SEC61A1: variants seen among roughly 807,000 people sequenced by gnomAD.
The protein encoded by SEC61A1 is protein transport protein Sec61 subunit alpha isoform 1.
Under a neutral mutation model 55.2 loss-of-function variants are expected in SEC61A1, and 15 were observed. That is an observed-to-expected ratio of 0.27 (90% confidence interval 0.18 to 0.42). SEC61A1 has a LOEUF of 0.42. Ranked by LOEUF, SEC61A1 falls within the 10% of genes least tolerant of loss-of-function variation. SEC61A1 has a pLI of 1.00. For synonymous variants in SEC61A1, 247 were observed against 234.0 expected, an observed-to-expected ratio of 1.06 and a Z score of -0.51; for missense variants, 284 against 602.6, an observed-to-expected ratio of 0.47 and a Z score of 5.53.
At chr3:128,061,795 A>AT (rs1941856156) in intron 7 of SEC61A1, among the ~76,000 whole-genome samples, 1 of 152,146 alleles carries the variant, frequency 6.6e-6, no homozygotes, top group South Asian at 2.1e-4. Flanking sequence ...GAGTTCAGGT[A>AT]TTTGTCAAGA....
chr3:128,055,409 G>T, intron 2 of SEC61A1, 107 bp from the exon 3 acceptor site: 1 of 874,150 alleles, frequency 1.1e-6, no homozygotes, highest in South Asian at 1.4e-5. Context: ...AGAGAAAAGA[G>T]TCTGGTTGGA....
rs1481440162 is a variant in SEC61A1, at chr3:128,070,554, C to T, written c.*892C>T. On this transcript the variant is annotated 3_prime_UTR_variant, in exon 12 of 12. Coordinates refer to ENST00000243253, the MANE Select transcript of SEC61A1 (RefSeq NM_013336.4). ...CATGGACAGAAACTGACTTAGTGCT[C>T]ACAAGCCCCTACACCTTCTGGGCTG... 1.3e-5 allele frequency: 2 copies of T among 152,274 alleles called. No individual in the cohort carries two copies. Among genetic ancestry groups the T allele is most frequent in the Non-Finnish European group, 2.9e-5 (2 of 68,084 alleles). 9.4% of individuals were successfully genotyped at this position (152,274 alleles called of 1,614,324 possible).
In SEC61A1 at chr3:128,060,633, C is replaced by T; in HGVS notation, c.588C>T (p.Phe196=). 1 of 1,614,230 alleles carries T rather than the reference C, an allele frequency of 6.2e-7. No homozygotes were observed. Among genetic ancestry groups the T allele is most frequent in the Non-Finnish European group, 8.5e-7 (1 of 1,180,052 alleles). ...NICETIVWKA[F]SPTTVNTGRG... ...GTGAAACCATCGTATGGAAGGCATT[C>T]AGCCCCACTACTGTCAACACTGGCC... The change falls in exon 7 of 12, where the codon TTC becomes TTT. Residue 196 remains phenylalanine (F), a synonymous_variant. Transcript: ENST00000243253.
At chr3:128,064,638 A>C (rs543748463) in intron 7 of SEC61A1, 2 of 498,750 alleles carry the variant, frequency 4.0e-6, no homozygotes, top group East Asian at 7.2e-5. Context: ...GCCGAGAGAG[A>C]GGGACCCTGT....
intron 2 of SEC61A1, among the ~76,000 whole-genome samples, chr3:128,055,000 TAC>T (rs1941751668): frequency 6.6e-6 from 1 of 152,232 alleles, no homozygotes; most frequent in Non-Finnish European, 1.5e-5. Context: ...TATGGTTTAT[TAC>T]ACTGTTTTAC....
chr3:128,062,804 G>C (rs772113888), intron 7 of SEC61A1, among the ~76,000 whole-genome samples: 1 of 152,172 alleles, frequency 6.6e-6, no homozygotes, highest in Admixed American at 6.5e-5. Flanking sequence ...AAAGTTGGAA[G>C]ATTTGTTCTA....
Position 128,067,656 on chromosome 3 carries a change from C to A in SEC61A1, c.1167+44C>A. 1 of 1,467,028 alleles carries A rather than the reference C, an allele frequency of 6.8e-7. No homozygotes were observed. The highest frequency in any genetic ancestry group is 9.4e-7 in the Non-Finnish European group (1 of 1,058,458). 90.9% of individuals were successfully genotyped at this position (1,467,028 alleles called of 1,614,324 possible). A position where few individuals can be genotyped will look rare whatever the true frequency, so the allele number is the denominator to read the frequency against. On this transcript the variant is annotated intron_variant, in intron 10 of 11. Transcript: ENST00000243253. This position sits in a 1 kb window ranked among gnomAD's most constrained non-coding sequence, Gnocchi z 4.1. The stretch of plus-strand genomic sequence containing the variant: ...TTCTGGAAGGGTGATGAAAGTGTGA[C>A]TGGTATAAGGGGTGTGGACTTGTCA...
At chr3:128,052,793 C>G (rs2107639705) in intron 1 of SEC61A1, 42 bp from the exon 2 acceptor site, 4 of 1,583,458 alleles carry the variant, frequency 2.5e-6, no homozygotes, top group Non-Finnish European at 3.5e-6. Flanking sequence ...AAGGTTACTT[C>G]TCTGTGTCCC....
Position 128,069,527 on chromosome 3 carries a change from G to T in SEC61A1, c.1296G>T (p.Ser432=), listed in dbSNP as rs750919679. ...AFGGLCIGAL[S]VLADFLGAIG... ...GTGGGCTGTGCATCGGGGCCCTCTC[G>T]GTCCTGGCTGACTTCCTAGGCGCCA... The change falls in exon 12 of 12, where the codon TCG becomes TCT. Residue 432 remains serine (S), a synonymous_variant. Coordinates refer to ENST00000243253, the MANE Select transcript of SEC61A1 (RefSeq NM_013336.4). 34 of 1,613,770 alleles carry T rather than the reference G, an allele frequency of 2.1e-5. No homozygotes were observed. The highest frequency in any genetic ancestry group is 2.7e-5 in the Non-Finnish European group (32 of 1,180,050).
chr3:128,052,524 C>T lies in SEC61A1; in HGVS notation c.-29C>T. On this transcript the variant is annotated 5_prime_UTR_variant, in exon 1 of 12. Coordinates refer to ENST00000243253, the MANE Select transcript of SEC61A1 (RefSeq NM_013336.4). ...CACGCGGAGCAGAGCTGAGCTGAAG[C>T]GGGACCCGGAGCCCGAGCAGCCGCC... 1.3e-6 allele frequency: 2 copies of T among 1,593,756 alleles called. No individual in the cohort carries two copies. Among genetic ancestry groups the T allele is most frequent in the South Asian group, 2.3e-5 (2 of 88,382 alleles).
chr3:128,063,422 C>G (rs1045658829), intron 7 of SEC61A1, among the ~76,000 whole-genome samples: 1 of 152,234 alleles, frequency 6.6e-6, no homozygotes, highest in Non-Finnish European at 1.5e-5. Context: ...ACTGCAACCT[C>G]CGCCTCCCGG....
At chr3:128,062,173 G>A (rs909596883) in intron 7 of SEC61A1, among the ~76,000 whole-genome samples, 1 of 152,238 alleles carries the variant, frequency 6.6e-6, no homozygotes, top group African/African-American at 2.4e-5. Flanking sequence ...GTGTCTACAT[G>A]TCAGTTGCTC....
Position 128,066,993 on chromosome 3 carries a change from C to T in SEC61A1, c.817C>T (p.Arg273Cys). 6.2e-7 allele frequency: 1 copy of T among 1,614,200 alleles called. No homozygotes were observed. The highest frequency in any genetic ancestry group is 1.1e-5 in the South Asian group (1 of 91,086). ...VDLPIKSARY[R>C]GQYNTYPIKL... The stretch of plus-strand genomic sequence containing the variant: ...CCTGCCAATCAAGTCGGCCCGCTAC[C>T]GTGGCCAGTACAACACCTATCCCAT... Residue 273 changes from arginine (R) to cysteine (C), a missense_variant, in exon 9 of 12, where the codon CGT becomes TGT. Coordinates refer to ENST00000243253, the MANE Select transcript of SEC61A1 (RefSeq NM_013336.4).
rs1941700371 is a variant in SEC61A1 at position 128,052,493 on chromosome 3, T to A, written c.-60T>A. 2.5e-5 allele frequency: 39 copies of A among 1,568,288 alleles called. No individual in the cohort carries two copies. Among genetic ancestry groups the A allele is most frequent in the Non-Finnish European group, 3.2e-5 (37 of 1,158,318 alleles). ...GGAACGCGCTGGGCCGCGGGCAGCG[T>A]CGCCTCACGCGGAGCAGAGCTGAGC... On this transcript the variant is annotated 5_prime_UTR_variant, in exon 1 of 12. Transcript: ENST00000243253.
At chr3:128,068,838 A>G (rs1367956494) in intron 11 of SEC61A1, 1 of 152,508 alleles carries the variant, frequency 6.6e-6, no homozygotes, top group African/African-American at 2.4e-5. Flanking sequence ...CAGACAACAG[A>G]CAAATGAGCA....
At position 128,070,590 on chromosome 3, in the gene SEC61A1, A is replaced by C. The variant is rs567510012; in HGVS notation, c.*928A>C. The C allele has an allele frequency of 6.6e-6, 1 of 152,276 alleles. No homozygotes were observed. Among genetic ancestry groups the C allele is most frequent in the East Asian group, 1.9e-4 (1 of 5,204 alleles). The allele number at this position is 152,276 out of a possible 1,614,324, so 9.4% of individuals were successfully genotyped here. A position where few individuals can be genotyped will look rare whatever the true frequency, so the allele number is the denominator to read the frequency against. On this transcript the variant is annotated 3_prime_UTR_variant, in exon 12 of 12. Coordinates refer to ENST00000243253, the MANE Select transcript of SEC61A1 (RefSeq NM_013336.4). ...ACACCTTCTGGGCTGAAGATCACCCAGCTGTGTTCAGAATTTTCTTACTGT... is the reference window on the plus strand; with the variant it reads ...ACACCTTCTGGGCTGAAGATCACCCCGCTGTGTTCAGAATTTTCTTACTGT...
upstream of SEC61A1, chr3:128,051,805 C>A: frequency 1.3e-6 from 2 of 1,534,394 alleles, no homozygotes; most frequent in East Asian, 2.4e-5. Flanking sequence ...CCTTCTCCGG[C>A]CAAGTCTCTC....
Position 128,054,664 on chromosome 3 carries a change from C to G in SEC61A1, c.76-852C>G, listed in dbSNP as rs62271712. ...AGTTTTGTCACTTAATACTGTCAGT[C>G]TCTCACAAGGTATTTCAACCTCAGA... On this transcript the variant is annotated intron_variant, in intron 2 of 11. Transcript: ENST00000243253. 3.7e-3 allele frequency among the ~76,000 whole-genome samples: 559 copies of G among 152,344 alleles called. 2 individuals carry two copies. The highest frequency in any genetic ancestry group is 5.3e-3 in the Non-Finnish European group (362 of 68,040).
chr3:128,070,664 G>C lies in SEC61A1; in HGVS notation c.*1002G>C, dbSNP rs1047761185. The C allele has an allele frequency of 3.3e-5, 5 of 152,318 alleles. No individual in the cohort carries two copies. The highest frequency in any genetic ancestry group is 1.2e-4 in the African/African-American group (5 of 41,464). The allele number at this position is 152,318 out of a possible 1,614,324, so 9.4% of individuals were successfully genotyped here. ...CAGACACCACCGACTTCCTTTCTGC[G>C]TCACCAGTGTCGTCAGCAGAGAGAG... On this transcript the variant is annotated 3_prime_UTR_variant, in exon 12 of 12. Transcript: ENST00000243253.
Sources: allele counts gnomAD v4.1 joint callset (sites outside exome capture counted in the v4.1 genomes callset), GRCh38; gene constraint gnomAD v4.1.1; non-coding constraint Gnocchi (gnomAD v3.1); transcripts MANE v1.5; gene names NCBI Gene and HGNC (gene_info 2026-07-23, HGNC 2026-07-21).